Variants in RYR2 observed in about 807,000 individuals in gnomAD.
The protein encoded by RYR2 is ryanodine receptor 2, also known as cardiac muscle ryanodine receptor-calcium release channel.
Under a neutral mutation model 601.1 loss-of-function variants are expected in RYR2, and 227 were observed. The ratio of observed to expected loss-of-function variants is 0.38; its 90% CI spans 0.34 to 0.42. RYR2 has a LOEUF of 0.42. Ranked by LOEUF, RYR2 falls within the 10% of genes least tolerant of loss-of-function variation. The pLI is 1.00. For missense variants in RYR2, 4,646 were observed against 6,156.5 expected, an observed-to-expected ratio of 0.75 and a Z score of 8.21; for synonymous variants, 2,223 against 2,175.1, an observed-to-expected ratio of 1.02 and a Z score of -0.61.
At chr1:237,548,697 A>G (rs560365254) in intron 26 of RYR2, 107 bp downstream of exon 26, 5 of 1,345,794 alleles carry the variant, frequency 3.7e-6, no homozygotes, top group Non-Finnish European at 5.1e-6. Context: ...TATCATATAG[A>G]TCACATATAG....
intron 1 of RYR2, among the ~76,000 whole-genome samples, chr1:237,108,824 T>C (rs1393528903): frequency 6.6e-6 from 1 of 152,240 alleles, no homozygotes; most frequent in Non-Finnish European, 1.5e-5. Context: ...CCACCAGCGT[T>C]CCAGTTTTGC....
chr1:237,321,775 A>C (rs1181224818), intron 2 of RYR2, among the ~76,000 whole-genome samples: 1 of 152,200 alleles, frequency 6.6e-6, no homozygotes, highest in East Asian at 1.9e-4. Context: ...CTTATGTTGA[A>C]TAAGTTCTTT....
Position 237,511,586 on chromosome 1 carries a change from T to G in RYR2, c.2719-102T>G, listed in dbSNP as rs943190492. On this transcript the variant is annotated intron_variant, in intron 23 of 104. Transcript: ENST00000366574. ...TTTGCAGGGGTAATGATCTGGGTGT[T>G]TCTTCTTGCCTTCTGCCTCCACTTT... The G allele has an allele frequency of 1.8e-5, 16 of 888,416 alleles. No homozygotes were observed. The African/African-American group carries it at 2.6e-4, about 15-fold the overall frequency. The allele number at this position is 888,416 out of a possible 1,614,324, so 55.0% of individuals were successfully genotyped here. A position where few individuals can be genotyped will look rare whatever the true frequency, so the allele number is the denominator to read the frequency against.
chr1:237,301,129 T>G (rs756988435), intron 2 of RYR2, among the ~76,000 whole-genome samples: 18 of 152,140 alleles, frequency 1.2e-4, no homozygotes, highest in Non-Finnish European at 2.6e-4. Flanking sequence ...CTTTAAATAC[T>G]GATAAATTGA....
chr1:237,595,763 A>C lies in RYR2; in HGVS notation c.4596+106A>C, dbSNP rs976914285. ...CAAAAAGTAAAATAGACACATGTAC[A>C]TGTGCCCCTGGTCTGAAAATCAGCC... On this transcript the variant is annotated intron_variant, in intron 34 of 104. Transcript: ENST00000366574. 58 of 1,334,722 alleles carry C rather than the reference A, an allele frequency of 4.3e-5. 1 individual carries two copies. The highest frequency in any genetic ancestry group is 5.6e-5 in the Non-Finnish European group (56 of 1,006,178). The allele number at this position is 1,334,722 out of a possible 1,614,324, so 82.7% of individuals were successfully genotyped here. A position where few individuals can be genotyped will look rare whatever the true frequency, so the allele number is the denominator to read the frequency against.
At chr1:237,657,439 A>G (rs1683360456) in intron 53 of RYR2, among the ~76,000 whole-genome samples, 1 of 152,000 alleles carries the variant, frequency 6.6e-6, no homozygotes, top group Admixed American at 6.6e-5. Context: ...ACATCAAGGA[A>G]TTAAATATTC....
In RYR2 at chr1:237,634,948, A is replaced by G. The variant is rs1680724317; in HGVS notation, c.6748A>G (p.Asn2250Asp). The G allele has an allele frequency of 6.2e-7, 1 of 1,609,278 alleles. No homozygotes were observed. The highest frequency in any genetic ancestry group is 8.5e-7 in the Non-Finnish European group (1 of 1,177,890). ...LDVAAASVMD[N>D]NELALALREP... The stretch of plus-strand genomic sequence containing the variant: ...TGTGGCTGCAGCTTCGGTGATGGAT[A>G]ATAATGAACTAGCATTAGCTCTGCG... The change falls in exon 44 of 105, where the codon AAT becomes GAT. Residue 2250 changes from asparagine to aspartate, a missense_variant. Transcript: ENST00000366574.
At chr1:237,208,045 C>A (rs1682009649) in intron 1 of RYR2, among the ~76,000 whole-genome samples, 1 of 152,234 alleles carries the variant, frequency 6.6e-6, no homozygotes. Context: ...CCAGGATGAA[C>A]TGATGTTGGT....
chr1:237,718,412 C>A, intron 72 of RYR2, 50 bp from the exon 73 acceptor site: 2 of 893,716 alleles, frequency 2.2e-6, no homozygotes, highest in Non-Finnish European at 3.7e-6. Flanking sequence ...TGACTTGTGA[C>A]AGTTGATGCA....
At chr1:237,818,040 G>T (rs948214630) in intron 100 of RYR2, among the ~76,000 whole-genome samples, 2 of 152,196 alleles carry the variant, frequency 1.3e-5, no homozygotes. Context: ...TAGTTCACTT[G>T]GAGGAGGTAT....
intron 88 of RYR2, among the ~76,000 whole-genome samples, chr1:237,780,451 G>C (rs978609303): frequency 6.6e-6 from 1 of 152,124 alleles, no homozygotes; most frequent in African/African-American, 2.4e-5. Flanking sequence ...TATTTAGAAA[G>C]AAAACGTCTC....
chr1:237,569,072 G>A (rs1266451770), intron 28 of RYR2, 73 bp from the exon 29 acceptor site: 28 of 1,392,088 alleles, frequency 2.0e-5, no homozygotes, highest in Non-Finnish European at 2.5e-5. Context: ...CTGTTAGGTC[G>A]TGACAGAGTG....
intron 28 of RYR2, among the ~76,000 whole-genome samples, chr1:237,568,092 G>T (rs1343282952): frequency 1.3e-5 from 2 of 152,104 alleles, no homozygotes; most frequent in Non-Finnish European, 2.9e-5. Context: ...GAAGTAACCT[G>T]AGGAAGTTAA....
intron 100 of RYR2, among the ~76,000 whole-genome samples, chr1:237,817,980 G>T (rs1439798006): frequency 2.6e-5 from 4 of 152,212 alleles, no homozygotes; most frequent in Admixed American, 2.6e-4. Context: ...GAATGGAAAA[G>T]CCTATTGCAA....
At chr1:237,604,331 A>C (rs137884625) in intron 35 of RYR2, among the ~76,000 whole-genome samples, 2,312 of 152,362 alleles carry the variant, frequency 0.015, 19 homozygotes, top group Non-Finnish European at 0.024. Context: ...TATGGGGTAC[A>C]TAACAAAATG....
At chr1:237,368,374 A>G (rs1457716440) in intron 5 of RYR2, among the ~76,000 whole-genome samples, 3 of 152,212 alleles carry the variant, frequency 2.0e-5, no homozygotes, top group Non-Finnish European at 4.4e-5. Context: ...AGGGAAGACT[A>G]GAGAGAGGGA....
chr1:237,281,988 A>G (rs1370107307), intron 2 of RYR2, among the ~76,000 whole-genome samples: 2 of 148,348 alleles, frequency 1.3e-5, no homozygotes, highest in Non-Finnish European at 1.5e-5. Flanking sequence ...AACAGAGTAT[A>G]TACTACAGAG....
chr1:237,232,618 G>C (rs1685118082), intron 1 of RYR2, among the ~76,000 whole-genome samples: 1 of 152,188 alleles, frequency 6.6e-6, no homozygotes, highest in Admixed American at 6.5e-5. Flanking sequence ...TCATGCTCCA[G>C]ATCCTCGCAA....
At chr1:237,678,161 T>C (rs755400150) in intron 61 of RYR2, 49 bp downstream of exon 61, 3 of 1,018,088 alleles carry the variant, frequency 2.9e-6, no homozygotes, top group Non-Finnish European at 4.6e-6. Context: ...TTTGTTTACA[T>C]ACCCTACTCA....
Sources: allele counts gnomAD v4.1 joint callset (sites outside exome capture counted in the v4.1 genomes callset), GRCh38; gene constraint gnomAD v4.1.1; transcripts MANE v1.5; gene names NCBI Gene and HGNC (gene_info 2026-07-23, HGNC 2026-07-21).